Variants in NCAM2 observed in about 807,000 individuals in gnomAD.
NCAM2 encodes N-CAM-2.
Under a neutral mutation model 98.1 loss-of-function variants are expected in NCAM2, and 30 were observed. The ratio of observed to expected loss-of-function variants is 0.31; its 90% CI spans 0.23 to 0.41. The LOEUF (loss-of-function observed/expected upper bound fraction) is 0.41, where lower values mean the gene tolerates loss of function less well. NCAM2 is among the 10% of genes least tolerant of loss of function. The pLI, the probability that NCAM2 is intolerant of heterozygous loss-of-function variation, is 1.00. For missense variants in NCAM2, 867 were observed against 1,005.8 expected, an observed-to-expected ratio of 0.86 and a Z score of 1.87; for synonymous variants, 368 against 342.4, an observed-to-expected ratio of 1.07 and a Z score of -0.83.
At chr21:21,500,266 AAGG>A (rs1987542127) in intron 15 of NCAM2, among the ~76,000 whole-genome samples, 1 of 152,148 alleles carries the variant, frequency 6.6e-6, no homozygotes, top group African/African-American at 2.4e-5. Flanking sequence ...GATACAATTA[AAGG>A]AGTATTGACT....
intron 9 of NCAM2, among the ~76,000 whole-genome samples, chr21:21,375,825 A>G (rs2076020937): frequency 6.6e-6 from 1 of 151,646 alleles, no homozygotes. Flanking sequence ...CAAAAGTGCT[A>G]GGCTGCTAGG....
intron 8 of NCAM2, 31 bp from the exon 9 acceptor site, chr21:21,373,832 A>G (rs376780374): frequency 6.4e-7 from 1 of 1,558,352 alleles, no homozygotes; most frequent in African/African-American, 1.4e-5. Flanking sequence ...CAAGCATAAA[A>G]TCTTTCTTTT....
At chr21:21,429,184 A>G (rs1355105302) in intron 11 of NCAM2, among the ~76,000 whole-genome samples, 1 of 152,234 alleles carries the variant, frequency 6.6e-6, no homozygotes, top group Non-Finnish European at 1.5e-5. Flanking sequence ...AAAACGGACT[A>G]TATAACTAGA....
chr21:21,125,123 A>G (rs189336307), intron 1 of NCAM2, among the ~76,000 whole-genome samples: 2 of 152,090 alleles, frequency 1.3e-5, no homozygotes, highest in Non-Finnish European at 2.9e-5. Flanking sequence ...TGATAGAAAT[A>G]CTATGTAACT....
At chr21:20,998,735 T>C (rs1199867111) in intron 1 of NCAM2, 117 bp downstream of exon 1, 17 of 976,832 alleles carry the variant, frequency 1.7e-5, no homozygotes, top group Non-Finnish European at 1.9e-5. Flanking sequence ...CAGTTATTGC[T>C]GTTGTTGTTA....
In NCAM2 at chr21:21,139,055, C is replaced by T. The variant is rs569323248; in HGVS notation, c.55+140437C>T. 2.5e-4 allele frequency among the ~76,000 whole-genome samples: 38 copies of T among 152,252 alleles called. No homozygotes were observed. The South Asian group carries it at 6.6e-3, about 27-fold the overall frequency. On this transcript the variant is annotated intron_variant, in intron 1 of 17. Coordinates refer to ENST00000400546, the MANE Select transcript of NCAM2 (RefSeq NM_004540.5). ...TTTTCTTACTTTGAAAAAGGATCTT[C>T]GCTTATGTAATTTAACATCTTGATA...
At chr21:21,498,191 C>T (rs1233652119) in intron 15 of NCAM2, among the ~76,000 whole-genome samples, 1 of 151,994 alleles carries the variant, frequency 6.6e-6, no homozygotes, top group African/African-American at 2.4e-5. Context: ...TCCAACTGGC[C>T]ACACACAATC....
intron 1 of NCAM2, among the ~76,000 whole-genome samples, chr21:21,010,215 A>G (rs529729809): frequency 3.3e-5 from 5 of 152,118 alleles, no homozygotes; most frequent in African/African-American, 9.6e-5. Context: ...TTTTATTTCA[A>G]AGCCCCCTCA....
At chr21:21,468,143 T>C (rs1983967145) in intron 13 of NCAM2, among the ~76,000 whole-genome samples, 1 of 151,932 alleles carries the variant, frequency 6.6e-6, no homozygotes, top group African/African-American at 2.4e-5. Context: ...CACAGGTCTA[T>C]AAAATTGGAT....
chr21:21,365,492 A>G (rs752141768), intron 8 of NCAM2, among the ~76,000 whole-genome samples: 1 of 152,006 alleles, frequency 6.6e-6, no homozygotes, highest in African/African-American at 2.4e-5. Context: ...CTCAAAATAT[A>G]TCAGTTACAA....
At chr21:21,440,693 AAAAAGAAAAG>A (rs138443651) in intron 12 of NCAM2, among the ~76,000 whole-genome samples, 6,810 of 150,370 alleles carry the variant, frequency 0.045, 174 homozygotes, top group East Asian at 0.13. Context: ...CAACAACAAA[AAAAAGAAAAG>A]AAAAGAAAAG....
At chr21:21,510,185 T>A (rs545825555) in intron 16 of NCAM2, among the ~76,000 whole-genome samples, 3 of 152,286 alleles carry the variant, frequency 2.0e-5, no homozygotes, top group Admixed American at 6.6e-5. Context: ...TAAAAGGTGT[T>A]TACATTTATG....
chr21:21,054,903 C>A (rs1184422812), intron 1 of NCAM2, among the ~76,000 whole-genome samples: 1 of 151,838 alleles, frequency 6.6e-6, no homozygotes, highest in East Asian at 1.9e-4. Flanking sequence ...TAAATACTTC[C>A]TTAGAATGAA....
At chr21:21,462,801 G>A (rs1034209660) in intron 12 of NCAM2, among the ~76,000 whole-genome samples, 1 of 152,000 alleles carries the variant, frequency 6.6e-6, no homozygotes, top group Non-Finnish European at 1.5e-5. Flanking sequence ...CTGTTGCCGT[G>A]TTAAAGAAAA....
In NCAM2 at chr21:21,078,254, G is replaced by T. The variant is rs116902653; in HGVS notation, c.55+79636G>T. On this transcript the variant is annotated intron_variant, in intron 1 of 17. Coordinates refer to ENST00000400546, the MANE Select transcript of NCAM2 (RefSeq NM_004540.5). ...TGTATTAGAGTGCTCAGGTATATGT[G>T]TGCTTTAATCATGTAAAAATTATAA... 7.9e-3 allele frequency among the ~76,000 whole-genome samples: 1,196 copies of T among 152,214 alleles called. 17 individuals carry two copies. The highest frequency in any genetic ancestry group is 0.01 in the Non-Finnish European group (686 of 68,010).
In NCAM2 at chr21:21,166,570, G is replaced by A. The variant is rs138471093; in HGVS notation, c.56-114008G>A. Among the ~76,000 whole-genome samples, 523 of 152,124 alleles carry A rather than the reference G, an allele frequency of 3.4e-3. 4 individuals are homozygous for A. Among genetic ancestry groups the A allele is most frequent in the Non-Finnish European group, 6.5e-3 (441 of 67,998 alleles). The stretch of plus-strand genomic sequence containing the variant: ...TTGTATACCATCATATTCTCTGATG[G>A]GCCATTTGCAATAGATGTAACCAGA... On this transcript the variant is annotated intron_variant, in intron 1 of 17. Coordinates refer to ENST00000400546, the MANE Select transcript of NCAM2 (RefSeq NM_004540.5).
At chr21:21,053,556 T>C (rs1035318160) in intron 1 of NCAM2, among the ~76,000 whole-genome samples, 10 of 151,516 alleles carry the variant, frequency 6.6e-5, no homozygotes, top group Non-Finnish European at 3.0e-5. Flanking sequence ...TTAATTGTTT[T>C]AATTTTTGCC....
intron 1 of NCAM2, among the ~76,000 whole-genome samples, chr21:21,127,985 A>C (rs1365898398): frequency 6.6e-6 from 1 of 152,176 alleles, no homozygotes. Flanking sequence ...GATGGCCAGC[A>C]TGTCACACTT....
intron 11 of NCAM2, among the ~76,000 whole-genome samples, chr21:21,431,177 A>AG (rs1484283271): frequency 1.3e-5 from 2 of 150,508 alleles, no homozygotes; most frequent in Non-Finnish European, 2.9e-5. Context: ...TCTCTGAAAA[A>AG]AAATTATTTT....
Sources: allele counts gnomAD v4.1 joint callset (sites outside exome capture counted in the v4.1 genomes callset), GRCh38; gene constraint gnomAD v4.1.1; transcripts MANE v1.5; gene names NCBI Gene and HGNC (gene_info 2026-07-23, HGNC 2026-07-21).